AMBRA1: variants seen among roughly 807,000 people sequenced by gnomAD.
The protein encoded by AMBRA1 is autophagy and beclin 1 regulator 1, also known as activating molecule in BECN1-regulated autophagy protein 1.
In AMBRA1, 47 loss-of-function variants were observed where a neutral mutation model predicts 125.4. The ratio of observed to expected loss-of-function variants is 0.37; its 90% CI spans 0.30 to 0.48. The LOEUF (loss-of-function observed/expected upper bound fraction) is 0.48. AMBRA1 is among the 20% of genes least tolerant of loss of function. The probability of loss-of-function intolerance (pLI) is 0.99; values close to 1 mark genes in which losing one functional copy is unlikely to be tolerated. For missense variants in AMBRA1, 1,331 were observed against 1,693.4 expected, an observed-to-expected ratio of 0.79 and a Z score of 3.76; for synonymous variants, 626 against 655.5, an observed-to-expected ratio of 0.95 and a Z score of 0.69.
intron 9 of AMBRA1, among the ~76,000 whole-genome samples, chr11:46,499,819 C>T (rs1189024328): frequency 6.6e-6 from 1 of 152,086 alleles, no homozygotes; most frequent in Non-Finnish European, 1.5e-5. Flanking sequence ...CCACGCCCAG[C>T]TAATTTTTAT....
In AMBRA1 at chr11:46,484,287, A is replaced by T. The variant is rs202220170; in HGVS notation, c.2521+9321T>A. On this transcript the variant is annotated intron_variant, in intron 11 of 17. Transcript: ENST00000683756. Reference sequence around the variant, plus strand: ...CCTCTGCAGATTTCTAGATCATTGCATTTGTTCTGAGGGGTTGCAAAACAT... The same window carrying T: ...CCTCTGCAGATTTCTAGATCATTGCTTTTGTTCTGAGGGGTTGCAAAACAT... Among the ~76,000 whole-genome samples the T allele has an allele frequency of 2.0e-5, 3 of 152,210 alleles. No homozygotes were observed. In the East Asian group the frequency reaches 5.8e-4, roughly 29 times the overall value.
At chr11:46,460,835 C>T (rs1022785643) in intron 11 of AMBRA1, among the ~76,000 whole-genome samples, 1 of 151,962 alleles carries the variant, frequency 6.6e-6, no homozygotes, top group Non-Finnish European at 1.5e-5. Flanking sequence ...ATCTGTAATC[C>T]CAACACTTTG....
At chr11:46,427,416 G>C (rs1843104580) in intron 14 of AMBRA1, among the ~76,000 whole-genome samples, 1 of 152,188 alleles carries the variant, frequency 6.6e-6, no homozygotes, top group South Asian at 2.1e-4. Flanking sequence ...TTCAGAGATA[G>C]TAAGAGACAG....
chr11:46,542,373 C>T lies in AMBRA1; in HGVS notation c.1644G>A (p.Gln548=). The T allele has an allele frequency of 6.2e-7, 1 of 1,614,046 alleles. No homozygotes were observed. Among genetic ancestry groups the T allele is most frequent in the Non-Finnish European group, 8.5e-7 (1 of 1,180,014 alleles). The change falls in exon 7 of 18, where the codon CAG becomes CAA. Residue 548 remains glutamine (Q), a synonymous_variant. Transcript: ENST00000683756. The surrounding 1 kb of genome is among the most constrained non-coding windows in gnomAD (Gnocchi z 5.9). The part of the protein sequence containing the change: ...IESERPGPSH[Q]PTPHSSENNS... ...TGTTCTCACTGCTGTGTGGGGTGGG[C>T]TGGTGGGAAGGGCCTGGCCTCTCAG...
chr11:46,465,987 T>C (rs138616649), intron 11 of AMBRA1, among the ~76,000 whole-genome samples: 43 of 152,308 alleles, frequency 2.8e-4, no homozygotes, highest in African/African-American at 9.4e-4. Context: ...TAGACTAAAG[T>C]ACAGAGTCTT....
chr11:46,528,608 T>A (rs1176556348), intron 7 of AMBRA1, among the ~76,000 whole-genome samples: 1 of 151,248 alleles, frequency 6.6e-6, no homozygotes, highest in African/African-American at 2.4e-5. Context: ...GAAAGTAGAG[T>A]GGTGGCTGCC....
At chr11:46,497,986 AAAT>A (rs1430270152) in intron 9 of AMBRA1, among the ~76,000 whole-genome samples, 3 of 152,238 alleles carry the variant, frequency 2.0e-5, no homozygotes, top group African/African-American at 7.2e-5. Context: ...AAAGTACTTA[AAAT>A]AATGATATAC....
At chr11:46,411,375 G>A (rs1251771606) in intron 15 of AMBRA1, among the ~76,000 whole-genome samples, 1 of 152,218 alleles carries the variant, frequency 6.6e-6, no homozygotes, top group Non-Finnish European at 1.5e-5. Context: ...GCAGGGCCTG[G>A]AAGACGAGGG....
At chr11:46,402,711 A>C (rs1214450653) in intron 17 of AMBRA1, among the ~76,000 whole-genome samples, 2 of 152,242 alleles carry the variant, frequency 1.3e-5, no homozygotes, top group Non-Finnish European at 2.9e-5. Context: ...GAAGAGACAC[A>C]ATGGATTCAT....
Position 46,397,800 on chromosome 11 carries a change from T to C in AMBRA1, c.3547A>G (p.Ile1183Val), listed in dbSNP as rs763966082. 6 of 1,609,002 alleles carry C rather than the reference T, an allele frequency of 3.7e-6. No homozygotes were observed. Among genetic ancestry groups the C allele is most frequent in the South Asian group, 1.1e-5 (1 of 91,078 alleles). Residue 1183 changes from isoleucine (I) to valine (V), a missense_variant, in exon 18 of 18, where the codon ATC becomes GTC. Transcript: ENST00000683756. ...ASMGGFGNNIIVSHRIHRSSQ... is the reference protein window; with the variant it reads ...ASMGGFGNNIVVSHRIHRSSQ... ...CTGCGGTGAATGCGGTGGCTGACGA[T>C]GATGTTGTTGCCGAAGCCGCCCATG...
intron 11 of AMBRA1, 107 bp from the exon 12 acceptor site, chr11:46,443,705 C>T (rs1304259548): frequency 1.1e-6 from 1 of 938,924 alleles, no homozygotes; most frequent in African/African-American, 1.6e-5. Flanking sequence ...AGAGGAAAAA[C>T]TAGACTATGG....
intron 9 of AMBRA1, among the ~76,000 whole-genome samples, chr11:46,502,948 C>T (rs564139862): frequency 3.3e-4 from 50 of 150,448 alleles, no homozygotes; most frequent in South Asian, 1.1e-3. Flanking sequence ...GTAGTCTCAG[C>T]TACTCAGGAG....
At chr11:46,429,552 T>C (rs1444383137) in intron 14 of AMBRA1, among the ~76,000 whole-genome samples, 2 of 152,222 alleles carry the variant, frequency 1.3e-5, no homozygotes, top group East Asian at 3.8e-4. Flanking sequence ...CCCTGCCCAG[T>C]TGCAGGCTTC....
At chr11:46,424,097 C>A (rs1446583924) in intron 14 of AMBRA1, among the ~76,000 whole-genome samples, 1 of 152,080 alleles carries the variant, frequency 6.6e-6, no homozygotes, top group Admixed American at 6.5e-5. Context: ...TATTTAAAAA[C>A]CCAAATCACA....
intron 11 of AMBRA1, among the ~76,000 whole-genome samples, chr11:46,475,748 T>G (rs1949788112): frequency 6.6e-6 from 1 of 152,258 alleles, no homozygotes; most frequent in Non-Finnish European, 1.5e-5. Context: ...CACTTTGCTC[T>G]GGATACGAGA....
At chr11:46,550,066 G>A (rs186603235) in intron 1 of AMBRA1, among the ~76,000 whole-genome samples, 32 of 152,190 alleles carry the variant, frequency 2.1e-4, no homozygotes, top group African/African-American at 7.2e-4. Flanking sequence ...TGATCCACCC[G>A]CCTCAGCCTC....
chr11:46,571,930 C>T (rs972125893), intron 1 of AMBRA1, among the ~76,000 whole-genome samples: 13 of 152,066 alleles, frequency 8.5e-5, no homozygotes, highest in African/African-American at 2.9e-4. Flanking sequence ...CCTCGTGATC[C>T]GCCTGCCTCA....
At chr11:46,503,550 C>G (rs1343680392) in intron 9 of AMBRA1, among the ~76,000 whole-genome samples, 1 of 152,108 alleles carries the variant, frequency 6.6e-6, no homozygotes, top group Non-Finnish European at 1.5e-5. Context: ...AAAAATGGTG[C>G]CAACTGCTCA....
At chr11:46,553,629 C>T (rs2043080702) in intron 1 of AMBRA1, among the ~76,000 whole-genome samples, 1 of 152,044 alleles carries the variant, frequency 6.6e-6, no homozygotes, top group Admixed American at 6.6e-5. Context: ...CCTGTAGTCC[C>T]AGCTACTTGG....
Sources: allele counts gnomAD v4.1 joint callset (sites outside exome capture counted in the v4.1 genomes callset), GRCh38; gene constraint gnomAD v4.1.1; non-coding constraint Gnocchi (gnomAD v3.1); transcripts MANE v1.5; gene names NCBI Gene and HGNC (gene_info 2026-07-23, HGNC 2026-07-21).